BRINP3: variants seen among roughly 807,000 people sequenced by gnomAD.
BRINP3 encodes BMP/retinoic acid-inducible neural-specific protein 3.
Under a neutral mutation model 71.0 loss-of-function variants are expected in BRINP3, and 19 were observed. That is an observed-to-expected ratio of 0.27 (90% CI 0.19 to 0.39). BRINP3 has a LOEUF of 0.39. Ranked by LOEUF, BRINP3 falls within the 10% of genes least tolerant of loss-of-function variation. The probability of loss-of-function intolerance (pLI) is 1.00; values close to 1 mark genes in which losing one functional copy is unlikely to be tolerated. For synonymous variants in BRINP3, 380 were observed against 337.7 expected, an observed-to-expected ratio of 1.13 and a Z score of -1.37; for missense variants, 959 against 940.8, an observed-to-expected ratio of 1.02 and a Z score of -0.25.
Position 190,097,997 on chromosome 1 carries a change from G to T in BRINP3, c.*21C>A, listed in dbSNP as rs775113006. 92 of 1,576,470 alleles carry T rather than the reference G, an allele frequency of 5.8e-5. No homozygotes were observed. Among genetic ancestry groups the T allele is most frequent in the Non-Finnish European group, 7.4e-5 (86 of 1,162,330 alleles). On this transcript the variant is annotated 3_prime_UTR_variant, in exon 8 of 8. Coordinates refer to ENST00000367462, the MANE Select transcript of BRINP3 (RefSeq NM_199051.3). ...CTGTAAAAACTCCTTCAAGATTTTG[G>T]GTTGTGCTTGACATTTATGGTTAAC...
chr1:190,441,213 TCA>T (rs1291444279), intron 2 of BRINP3, among the ~76,000 whole-genome samples: 1 of 151,970 alleles, frequency 6.6e-6, no homozygotes, highest in Non-Finnish European at 1.5e-5. Context: ...CAAATGTGCT[TCA>T]GAGTTCAGTT....
intron 2 of BRINP3, among the ~76,000 whole-genome samples, chr1:190,397,258 T>C (rs1339116632): frequency 6.6e-6 from 1 of 151,976 alleles, no homozygotes; most frequent in Non-Finnish European, 1.5e-5. Flanking sequence ...AAAATACCAG[T>C]TTCATGTTCT....
chr1:190,457,383 G>A (rs959449942), intron 1 of BRINP3, among the ~76,000 whole-genome samples: 1 of 152,128 alleles, frequency 6.6e-6, no homozygotes, highest in Non-Finnish European at 1.5e-5. Flanking sequence ...GACAGGGGTT[G>A]CGGTGAGCTT....
chr1:190,248,076 T>C (rs188731831), intron 4 of BRINP3, among the ~76,000 whole-genome samples: 168 of 151,980 alleles, frequency 1.1e-3, no homozygotes, highest in African/African-American at 3.8e-3. Context: ...TTTATTCTGG[T>C]TTCAGAATAT....
intron 7 of BRINP3, among the ~76,000 whole-genome samples, chr1:190,103,233 G>A (rs1360934901): frequency 6.6e-6 from 1 of 151,948 alleles, no homozygotes; most frequent in Admixed American, 6.6e-5. Flanking sequence ...GTGGACTATC[G>A]ATAGTTTTCT....
At chr1:190,297,381 G>T (rs1010416245) in intron 2 of BRINP3, among the ~76,000 whole-genome samples, 1 of 151,796 alleles carries the variant, frequency 6.6e-6, no homozygotes, top group African/African-American at 2.4e-5. Context: ...ACTCAAAAAA[G>T]ATTAAAGACT....
At chr1:190,403,686 A>G (rs1672084916) in intron 2 of BRINP3, among the ~76,000 whole-genome samples, 1 of 152,236 alleles carries the variant, frequency 6.6e-6, no homozygotes, top group Non-Finnish European at 1.5e-5. Flanking sequence ...GAAAACTGAG[A>G]AAATGAAAGA....
At chr1:190,159,896 T>C (rs1657199433) in intron 7 of BRINP3, among the ~76,000 whole-genome samples, 5 of 152,088 alleles carry the variant, frequency 3.3e-5, no homozygotes, top group Admixed American at 3.3e-4. Flanking sequence ...TCAGGGTTTT[T>C]TTTCCAGCAA....
chr1:190,283,595 A>T (rs1031301214), intron 2 of BRINP3, among the ~76,000 whole-genome samples: 1 of 150,334 alleles, frequency 6.7e-6, no homozygotes, highest in Non-Finnish European at 1.5e-5. Flanking sequence ...AATTTACTTA[A>T]ATCTGAATTG....
chr1:190,476,148 CT>C (rs1181215419), intron 1 of BRINP3, among the ~76,000 whole-genome samples: 1 of 150,450 alleles, frequency 6.6e-6, no homozygotes, highest in East Asian at 2.0e-4. Flanking sequence ...AGCTGGAGTA[CT>C]TTTATGTCTG....
chr1:190,237,593 T>C (rs1189314849), intron 4 of BRINP3, among the ~76,000 whole-genome samples: 1 of 151,948 alleles, frequency 6.6e-6, no homozygotes, highest in African/African-American at 2.4e-5. Context: ...TTTTCTACTT[T>C]TATATGTTTC....
intron 6 of BRINP3, among the ~76,000 whole-genome samples, chr1:190,193,198 T>A (rs192608927): frequency 6.6e-6 from 1 of 151,922 alleles, no homozygotes; most frequent in Admixed American, 6.6e-5. Flanking sequence ...GAAGAAACTA[T>A]CAATATGGAG....
At chr1:190,300,365 T>C (rs1664586374) in intron 2 of BRINP3, among the ~76,000 whole-genome samples, 1 of 152,192 alleles carries the variant, frequency 6.6e-6, no homozygotes, top group South Asian at 2.1e-4. Flanking sequence ...TTCTGCATTC[T>C]TCACGTAGTT....
chr1:190,221,877 GT>G (rs1451283782), intron 6 of BRINP3, among the ~76,000 whole-genome samples: 1 of 152,068 alleles, frequency 6.6e-6, no homozygotes, highest in East Asian at 1.9e-4. Flanking sequence ...ATTATCAATA[GT>G]TTTATGCCCA....
At chr1:190,137,997 C>T (rs1021175853) in intron 7 of BRINP3, among the ~76,000 whole-genome samples, 1 of 151,544 alleles carries the variant, frequency 6.6e-6, no homozygotes, top group Non-Finnish European at 1.5e-5. Context: ...TCTTTTTGCC[C>T]AGGCTGGAGT....
intron 6 of BRINP3, among the ~76,000 whole-genome samples, chr1:190,164,161 A>G (rs1281288287): frequency 6.6e-6 from 1 of 152,142 alleles, no homozygotes; most frequent in Non-Finnish European, 1.5e-5. Context: ...AAACGTAAAA[A>G]AACTTTGACC....
intron 2 of BRINP3, among the ~76,000 whole-genome samples, chr1:190,393,957 C>A (rs1420892689): frequency 1.3e-5 from 2 of 151,466 alleles, no homozygotes; most frequent in East Asian, 3.9e-4. Context: ...TTAAAATTTC[C>A]CTTTGCCTGA....
chr1:190,182,285 A>G (rs1465739476), intron 6 of BRINP3, among the ~76,000 whole-genome samples: 5 of 151,846 alleles, frequency 3.3e-5, no homozygotes, highest in Non-Finnish European at 7.4e-5. Context: ...TAGCCTCTTC[A>G]TTTTCCTCTT....
At chr1:190,196,140 C>G (rs1023859082) in intron 6 of BRINP3, among the ~76,000 whole-genome samples, 2 of 152,134 alleles carry the variant, frequency 1.3e-5, no homozygotes, top group Non-Finnish European at 2.9e-5. Flanking sequence ...ACATTGCCAT[C>G]AATCACTAAT....
Sources: gnomAD v4.1 joint callset for allele counts (sites outside exome capture counted in the v4.1 genomes callset) on GRCh38, gnomAD v4.1.1 for gene constraint, MANE v1.5 for transcripts, NCBI Gene and HGNC (gene_info 2026-07-23, HGNC 2026-07-21) for gene names.